The following CMBL variants were observed in gnomAD, a reference collection of about 807,000 sequenced individuals.
CMBL encodes carboxymethylenebutenolidase homolog.
Under a neutral mutation model 28.7 loss-of-function variants are expected in CMBL, and 17 were observed. The observed-to-expected ratio is 0.59, with a 90% confidence interval of 0.41 to 0.89. The LOEUF is 0.89. Among genes scored for constraint, CMBL ranks in the 40% least tolerant of loss-of-function variants. CMBL has a pLI of 0.00. For missense variants in CMBL, 310 were observed against 298.5 expected (o/e 1.04, Z -0.28); for synonymous variants, 106 against 101.6 (o/e 1.04, Z -0.26).
chr5:10,288,192 G>A (rs1746640449), intron 3 of CMBL, among the ~76,000 whole-genome samples: 1 of 152,008 alleles, frequency 6.6e-6, no homozygotes, highest in Non-Finnish European at 1.5e-5. Context: ...GCTTGAACCT[G>A]GGAAGCACAG....
chr5:10,299,022 T>C (rs1746851183), intron 1 of CMBL, among the ~76,000 whole-genome samples: 1 of 152,142 alleles, frequency 6.6e-6, no homozygotes, highest in Non-Finnish European at 1.5e-5. Flanking sequence ...ATGCTTGAGA[T>C]TTTCCATGAC....
intron 3 of CMBL, 148 bp downstream of exon 3, chr5:10,288,274 T>G: frequency 1.6e-6 from 1 of 620,862 alleles, no homozygotes; most frequent in East Asian, 2.8e-5. Context: ...AAAAAAAATT[T>G]TTTCTCCTTT....
rs1439301719 is a variant in CMBL at position 10,278,436 on chromosome 5, C to G, written c.*2017G>C. On this transcript the variant is annotated 3_prime_UTR_variant, in exon 6 of 6. Coordinates refer to ENST00000296658, the MANE Select transcript of CMBL (RefSeq NM_138809.4). ...GACCATGCCGATATCCTACCCACAC[C>G]GACCCCTCTCAGTCACAGCGTGAGT... 2.0e-5 allele frequency among the ~76,000 whole-genome samples: 3 copies of G among 152,082 alleles called. No homozygotes were observed. Among genetic ancestry groups the G allele is most frequent in the African/African-American group, 7.2e-5 (3 of 41,414 alleles).
chr5:10,289,730 A>C lies in CMBL; in HGVS notation c.215+818T>G, dbSNP rs983802803. 6.6e-6 allele frequency among the ~76,000 whole-genome samples: 1 copy of C among 152,194 alleles called. No individual in the cohort carries two copies. The highest frequency in any genetic ancestry group is 1.5e-5 in the Non-Finnish European group (1 of 68,026). On this transcript the variant is annotated intron_variant, in intron 2 of 5. Transcript: ENST00000296658. The surrounding 1 kb of genome is among the most constrained non-coding windows in gnomAD (Gnocchi z 4.3). The stretch of plus-strand genomic sequence containing the variant: ...CTCACATGGGGACGTGAAAAAGGAA[A>C]ACTTCAAGGAAGGTCTTTTCATTCA...
intron 1 of CMBL, among the ~76,000 whole-genome samples, chr5:10,300,537 G>A (rs952515445): frequency 6.6e-6 from 1 of 152,058 alleles, no homozygotes; most frequent in African/African-American, 2.4e-5. Context: ...TGGTGGCTCA[G>A]GCCTGTAATC....
At chr5:10,303,891 G>A (rs868763813) in intron 1 of CMBL, among the ~76,000 whole-genome samples, 2 of 152,112 alleles carry the variant, frequency 1.3e-5, no homozygotes, top group African/African-American at 4.8e-5. Flanking sequence ...ACCATGACAT[G>A]GTTCTGGCCT....
chr5:10,285,582 G>GTCA (rs1561061839), intron 4 of CMBL, among the ~76,000 whole-genome samples: 2 of 152,102 alleles, frequency 1.3e-5, no homozygotes, highest in African/African-American at 4.8e-5. Context: ...ACAGGCGTGA[G>GTCA]TCATCGCATC....
chr5:10,299,535 T>C (rs1746858692), intron 1 of CMBL, among the ~76,000 whole-genome samples: 1 of 152,044 alleles, frequency 6.6e-6, no homozygotes, highest in Admixed American at 6.6e-5. Context: ...GATGTTTCCC[T>C]AGAGAAATTC....
intron 1 of CMBL, chr5:10,307,325 G>T (rs914076629): frequency 6.6e-6 from 1 of 152,180 alleles, no homozygotes; most frequent in Non-Finnish European, 1.5e-5. Flanking sequence ...CAAAACGAAC[G>T]CAAGTTTGCA....
At chr5:10,295,509 A>C (rs1202834893) in intron 1 of CMBL, among the ~76,000 whole-genome samples, 1 of 152,178 alleles carries the variant, frequency 6.6e-6, no homozygotes, top group Non-Finnish European at 1.5e-5. Context: ...TGTCCCCAAA[A>C]AGTCAGATGT....
chr5:10,282,136 G>T, intron 5 of CMBL, 61 bp downstream of exon 5: 2 of 1,203,288 alleles, frequency 1.7e-6, no homozygotes, highest in Non-Finnish European at 2.5e-6. Flanking sequence ...TTCCAGCCTG[G>T]GCGACAGAGC....
chr5:10,282,842 A>G (rs1258519882), intron 4 of CMBL, among the ~76,000 whole-genome samples: 3 of 152,126 alleles, frequency 2.0e-5, no homozygotes, highest in African/African-American at 4.8e-5. Flanking sequence ...CTGTAATCCC[A>G]GCACTTTGGG....
intron 1 of CMBL, among the ~76,000 whole-genome samples, chr5:10,296,085 A>G (rs895553815): frequency 1.3e-5 from 2 of 152,108 alleles, no homozygotes; most frequent in Non-Finnish European, 2.9e-5. Flanking sequence ...AACAATATAT[A>G]TTAGAATGGT....
At chr5:10,298,929 G>A (rs568104763) in intron 1 of CMBL, among the ~76,000 whole-genome samples, 9 of 152,264 alleles carry the variant, frequency 5.9e-5, no homozygotes, top group African/African-American at 1.9e-4. Context: ...ATAGCTCCAT[G>A]TGGGGTAGGG....
chr5:10,288,046 C>A (rs1224983274), intron 3 of CMBL, among the ~76,000 whole-genome samples: 2 of 142,406 alleles, frequency 1.4e-5, no homozygotes, highest in Non-Finnish European at 1.5e-5. Context: ...ATTTTAATTA[C>A]AAAAAAAATC....
intron 4 of CMBL, among the ~76,000 whole-genome samples, chr5:10,285,694 C>CTTTTTT (rs1252497762): frequency 1.4e-4 from 12 of 87,382 alleles, no homozygotes; most frequent in African/African-American, 3.5e-4. Context: ...CTTTCTCTTT[C>CTTTTTT]TTTTTCTTTT....
intron 1 of CMBL, among the ~76,000 whole-genome samples, chr5:10,306,848 T>C (rs1747009155): frequency 6.6e-6 from 1 of 152,166 alleles, no homozygotes; most frequent in Non-Finnish European, 1.5e-5. Context: ...CCCTGCAGAA[T>C]CTGCTTTTTC....
At chr5:10,291,040 G>C (rs1389740152) in intron 1 of CMBL, among the ~76,000 whole-genome samples, 5 of 152,176 alleles carry the variant, frequency 3.3e-5, no homozygotes, top group Non-Finnish European at 7.3e-5. Context: ...GGACTCTTCA[G>C]GGGGCAGGAT....
At chr5:10,290,944 A>G (rs1029894653) in intron 1 of CMBL, among the ~76,000 whole-genome samples, 163 bp from the exon 2 acceptor site, 1 of 152,252 alleles carries the variant, frequency 6.6e-6, no homozygotes, top group African/African-American at 2.4e-5. Flanking sequence ...GCAACACTGC[A>G]GAGTAAGGCT....
Sources: allele counts gnomAD v4.1 joint callset (sites outside exome capture counted in the v4.1 genomes callset), GRCh38; gene constraint gnomAD v4.1.1; non-coding constraint Gnocchi (gnomAD v3.1); transcripts MANE v1.5; gene names NCBI Gene and HGNC (gene_info 2026-07-23, HGNC 2026-07-21).